ZNF578: variants seen among roughly 807,000 people sequenced by gnomAD.
ZNF578 encodes Putative chemokine-related protein B42.
In ZNF578, 8 loss-of-function variants were observed where a neutral mutation model predicts 8.3. The ratio of observed to expected loss-of-function variants is 0.96; its 90% confidence interval spans 0.56 to 1.74. The LOEUF is 1.74. Ranked by LOEUF, ZNF578 falls within the 40% of genes most tolerant of loss-of-function variation. The pLI is 0.00. For missense variants in ZNF578, 726 were observed against 707.5 expected (o/e 1.03, Z -0.30); for synonymous variants, 206 against 232.2 (o/e 0.89, Z 1.03).
intron 2 of ZNF578, chr19:52,458,157 A>C (rs965355541): frequency 1.3e-5 from 2 of 152,580 alleles, no homozygotes; most frequent in African/African-American, 4.8e-5. Context: ...GAGATTAGGA[A>C]GAGGAAATCT....
chr19:52,465,319 G>A (rs1391171840), intron 2 of ZNF578, among the ~76,000 whole-genome samples: 1 of 152,156 alleles, frequency 6.6e-6, no homozygotes, highest in Non-Finnish European at 1.5e-5. Flanking sequence ...GCCATTCTGG[G>A]CATTCCTCTG....
intron 2 of ZNF578, among the ~76,000 whole-genome samples, chr19:52,472,287 C>T (rs1055320929): frequency 3.9e-5 from 6 of 152,140 alleles, no homozygotes; most frequent in Non-Finnish European, 8.8e-5. Context: ...TGTTGGTAGA[C>T]ATAACATGAT....
chr19:52,512,792 G>T lies in ZNF578; in HGVS notation c.*638G>T, dbSNP rs920666155. Among the ~76,000 whole-genome samples the T allele has an allele frequency of 6.6e-6, 1 of 152,186 alleles. No homozygotes were observed. The highest frequency in any genetic ancestry group is 2.4e-5 in the African/African-American group (1 of 41,450). On this transcript the variant is annotated 3_prime_UTR_variant, in exon 6 of 6. Coordinates refer to ENST00000421239, the MANE Select transcript of ZNF578 (RefSeq NM_001099694.2). ...TGCAGTGAGTATAGCAAACCATCAA[G>T]CATTAATTGACATTGGAGTCAATTC... is the stretch of plus-strand genomic sequence containing the variant.
Position 52,516,412 on chromosome 19 carries a change from CCCTGTAGGAGTTTAT to C in ZNF578, c.*4262_*4276del, listed in dbSNP as rs2059476154. ...TTCTCCAGAAGGGGAGCCAGAGTTT[CCCTGTAGGAGTTTAT>C]CCTCCATGGTGAGGAGGGCCGCAGG... On this transcript the variant is annotated 3_prime_UTR_variant, in exon 6 of 6. Coordinates refer to ENST00000421239, the MANE Select transcript of ZNF578 (RefSeq NM_001099694.2). Among the ~76,000 whole-genome samples, 1 of 152,146 alleles carries C rather than the reference CCCTGTAGGAGTTTAT, an allele frequency of 6.6e-6. No homozygotes were observed. Among genetic ancestry groups the C allele is most frequent in the Non-Finnish European group, 1.5e-5 (1 of 68,032 alleles).
At chr19:52,501,416 C>T (rs1288218490) in intron 3 of ZNF578, among the ~76,000 whole-genome samples, 2 of 152,166 alleles carry the variant, frequency 1.3e-5, no homozygotes, top group East Asian at 1.9e-4. Flanking sequence ...CCTGCAGTGG[C>T]GCAGGTGCTT....
At chr19:52,454,433 A>G (rs2059233006) in intron 1 of ZNF578, 1 of 152,198 alleles carries the variant, frequency 6.6e-6, no homozygotes, top group Non-Finnish European at 1.5e-5. Flanking sequence ...TCTCCACTTC[A>G]GATGTCGGTT....
chr19:52,512,753 A>T lies in ZNF578; in HGVS notation c.*599A>T, dbSNP rs2059454305. ...GAACATCAGAAAATTCATTTTTGAG[A>T]TAACTGTTCCCAATGCAGTGAGTAT... On this transcript the variant is annotated 3_prime_UTR_variant, in exon 6 of 6. Coordinates refer to ENST00000421239, the MANE Select transcript of ZNF578 (RefSeq NM_001099694.2). 6.6e-6 allele frequency among the ~76,000 whole-genome samples: 1 copy of T among 152,230 alleles called. No individual in the cohort carries two copies. The highest frequency in any genetic ancestry group is 2.4e-5 in the African/African-American group (1 of 41,466).
chr19:52,494,525 A>G (rs161929), intron 3 of ZNF578, among the ~76,000 whole-genome samples: 30,967 of 152,154 alleles, frequency 0.2, 3,306 homozygotes, highest in Non-Finnish European at 0.22. Context: ...GGGACTTTGG[A>G]TACAGATGAG....
At chr19:52,490,724 G>A (rs780720506) in intron 2 of ZNF578, among the ~76,000 whole-genome samples, 2 of 150,970 alleles carry the variant, frequency 1.3e-5, no homozygotes, top group Non-Finnish European at 2.9e-5. Context: ...TGCAATCTCC[G>A]CCTCCCAGGT....
At chr19:52,474,059 T>A in intron 2 of ZNF578, 2 of 427,386 alleles carry the variant, frequency 4.7e-6, no homozygotes, top group Non-Finnish European at 9.6e-6. Flanking sequence ...GCCACATTCA[T>A]TACATTTGTA....
intron 2 of ZNF578, among the ~76,000 whole-genome samples, chr19:52,462,140 A>G (rs2059260327): frequency 6.6e-6 from 1 of 152,178 alleles, no homozygotes; most frequent in Non-Finnish European, 1.5e-5. Context: ...TCCTTTGACC[A>G]TTGTTGAGAT....
At chr19:52,470,906 G>T (rs1439028991) in intron 2 of ZNF578, among the ~76,000 whole-genome samples, 3 of 152,154 alleles carry the variant, frequency 2.0e-5, no homozygotes, top group Non-Finnish European at 4.4e-5. Flanking sequence ...GTGGGGCCTG[G>T]TGGGAGGTGA....
At chr19:52,502,749 G>C (rs1444065349) in intron 4 of ZNF578, among the ~76,000 whole-genome samples, 1 of 152,082 alleles carries the variant, frequency 6.6e-6, no homozygotes, top group Non-Finnish European at 1.5e-5. Flanking sequence ...AAGAAAAAGA[G>C]AGGGAGAGAG....
At chr19:52,481,744 A>C (rs993718923) in intron 2 of ZNF578, among the ~76,000 whole-genome samples, 1 of 152,058 alleles carries the variant, frequency 6.6e-6, no homozygotes, top group Non-Finnish European at 1.5e-5. Flanking sequence ...AATTAAATTA[A>C]TTCTTTAAGA....
At position 52,514,166 on chromosome 19, in the gene ZNF578, A is replaced by G. The variant is rs1248494249; in HGVS notation, c.*2012A>G. On this transcript the variant is annotated 3_prime_UTR_variant, in exon 6 of 6. Coordinates refer to ENST00000421239, the MANE Select transcript of ZNF578 (RefSeq NM_001099694.2). Reference sequence around the variant, plus strand: ...GCAGATTGAGTTTGAGATATATCTTAGTTTTAATAGTTTTATTTCTTAACA... The same window carrying G: ...GCAGATTGAGTTTGAGATATATCTTGGTTTTAATAGTTTTATTTCTTAACA... Among the ~76,000 whole-genome samples, 3 of 151,764 alleles carry G rather than the reference A, an allele frequency of 2.0e-5. No individual in the cohort carries two copies. Among genetic ancestry groups the G allele is most frequent in the African/African-American group, 7.3e-5 (3 of 41,286 alleles).
At position 52,512,343 on chromosome 19, in the gene ZNF578, C is replaced by A. The variant is rs545229733; in HGVS notation, c.*189C>A. 2 of 1,524,398 alleles carry A rather than the reference C, an allele frequency of 1.3e-6. No individual in the cohort carries two copies. The highest frequency in any genetic ancestry group is 1.8e-6 in the Non-Finnish European group (2 of 1,099,776). The allele number at this position is 1,524,398 out of a possible 1,614,324, so 94.4% of individuals were successfully genotyped here. On this transcript the variant is annotated 3_prime_UTR_variant, in exon 6 of 6. Coordinates refer to ENST00000421239, the MANE Select transcript of ZNF578 (RefSeq NM_001099694.2). ...CCATTCATGGTGTAGGGAAACTTGA[C>A]TAATGTAATGATTGTCACAAAGTCT...
rs1412821818 is a variant in ZNF578 at position 52,462,341 on chromosome 19, A to G, written c.-122+5383A>G. Reference sequence around the variant, plus strand: ...GGCCCTATGTAAAGAGGGGGGACTGATAACCCATGGACACATTTATTAACA... The same window carrying G: ...GGCCCTATGTAAAGAGGGGGGACTGGTAACCCATGGACACATTTATTAACA... On this transcript the variant is annotated intron_variant, in intron 2 of 5. Transcript: ENST00000421239. Among the ~76,000 whole-genome samples the G allele has an allele frequency of 2.6e-5, 4 of 152,342 alleles. No homozygotes were observed. The East Asian group carries it at 7.7e-4, about 29-fold the overall frequency.
intron 1 of ZNF578, chr19:52,454,604 T>A (rs1345267571): frequency 2.7e-5 from 1 of 37,112 alleles, no homozygotes; most frequent in African/African-American, 5.5e-5. Context: ...ATTACAAAGG[T>A]TGCAGATAGA....
At position 52,504,237 on chromosome 19, in the gene ZNF578, C is replaced by G. The variant is rs375432500; in HGVS notation, c.64-418C>G. Among the ~76,000 whole-genome samples the G allele has an allele frequency of 2.2e-4, 33 of 152,028 alleles. No homozygotes were observed. In the East Asian group the frequency reaches 6.2e-3, roughly 29 times the overall value. On this transcript the variant is annotated intron_variant, in intron 4 of 5. Transcript: ENST00000421239. ...TCCTGTGTAGCTGGGATTACAGGAG[C>G]CTGCCACAATGCCCGTCTAATTTTT...
Sources: gnomAD v4.1 joint callset for allele counts (sites outside exome capture counted in the v4.1 genomes callset) on GRCh38, gnomAD v4.1.1 for gene constraint, MANE v1.5 for transcripts, NCBI Gene and HGNC (gene_info 2026-07-23, HGNC 2026-07-21) for gene names.